AZIN2: variants seen among roughly 807,000 people sequenced by gnomAD.
AZIN2 encodes the protein ODC antizyme inhibitor-2.
Under a neutral mutation model 47.8 loss-of-function variants are expected in AZIN2, and 28 were observed. That is an observed-to-expected ratio of 0.59 (90% CI 0.43 to 0.80). The LOEUF (loss-of-function observed/expected upper bound fraction) is 0.80, where lower values mean the gene tolerates loss of function less well. Ranked by LOEUF, AZIN2 falls within the 30% of genes least tolerant of loss-of-function variation. The pLI is 0.00. For missense variants in AZIN2, 535 were observed against 582.5 expected (o/e 0.92, Z 0.84); for synonymous variants, 221 against 239.4 (o/e 0.92, Z 0.71).
the AZIN2 span, among the ~76,000 whole-genome samples, chr1:33,160,176 T>C: frequency 2.6e-5 from 4 of 152,064 alleles, no homozygotes; most frequent in African/African-American, 9.7e-5. Flanking sequence ...AGGCCTGAAC[T>C]AGAGGAGCAG....
At chr1:33,107,315 C>T (rs1371080101) in intron 10 of AZIN2, among the ~76,000 whole-genome samples, 1 of 151,828 alleles carries the variant, frequency 6.6e-6, no homozygotes. Flanking sequence ...CGCAGTGGCT[C>T]ATGCCTGTAA....
Position 33,122,513 on chromosome 1 carries a change from G to A in AZIN2, c.*2331G>A, listed in dbSNP as rs1343666402. Among the ~76,000 whole-genome samples, 1 of 152,142 alleles carries A rather than the reference G, an allele frequency of 6.6e-6. No individual in the cohort carries two copies. The highest frequency in any genetic ancestry group is 6.5e-5 in the Admixed American group (1 of 15,280). On this transcript the variant is annotated 3_prime_UTR_variant, in exon 12 of 12. Transcript: ENST00000294517. ...TTTCTTATTTCAATCTTTTTCTAAA[G>A]AGAAGAAAAAAGCCTGAAATGTGGA...
intron 10 of AZIN2, among the ~76,000 whole-genome samples, chr1:33,103,921 C>T (rs899906041): frequency 1.3e-5 from 2 of 149,622 alleles, no homozygotes; most frequent in African/African-American, 4.9e-5. Context: ...CTCACTCTGT[C>T]ACCCAGGCTG....
the AZIN2 span, among the ~76,000 whole-genome samples, chr1:33,131,430 C>T: frequency 1.3e-5 from 2 of 152,188 alleles, no homozygotes; most frequent in African/African-American, 4.8e-5. Flanking sequence ...GTTATGTTAG[C>T]CACCGGCTTC....
chr1:33,082,336 G>A lies in AZIN2; in HGVS notation c.87G>A (p.Gly29=), dbSNP rs776103036. The part of the protein sequence containing the change: ...TRDLLKELTL[G]ASQATTDEVA... The stretch of plus-strand genomic sequence containing the variant: ...ACCTGCTGAAGGAACTCACTCTGGG[G>A]GCCTCACAGGCCACCACGGTGAGGG... The change falls in exon 4 of 12, where the codon GGG becomes GGA. Residue 29 remains glycine (G), a synonymous_variant. Transcript: ENST00000294517. The A allele has an allele frequency of 1.2e-6, 2 of 1,613,740 alleles. No individual in the cohort carries two copies. Among genetic ancestry groups the A allele is most frequent in the South Asian group, 2.2e-5 (2 of 91,024 alleles).
rs1644773524 is a variant in AZIN2, at chr1:33,120,594, T to C, written c.*412T>C. 1 of 176,058 alleles carries C rather than the reference T, an allele frequency of 5.7e-6. No homozygotes were observed. The highest frequency in any genetic ancestry group is 2.4e-5 in the African/African-American group (1 of 41,798). 10.9% of individuals were successfully genotyped at this position (176,058 alleles called of 1,614,324 possible). ...CTAGGCCTGGGGCAGGATTTCCCCATCACTCACTGATGAGCCCACACCCTC... is the reference window on the plus strand; with the variant it reads ...CTAGGCCTGGGGCAGGATTTCCCCACCACTCACTGATGAGCCCACACCCTC... On this transcript the variant is annotated 3_prime_UTR_variant, in exon 12 of 12. Transcript: ENST00000294517.
At chr1:33,147,738 TGGA>T in the AZIN2 span, 1 of 1,604,240 alleles carries the variant, frequency 6.2e-7, no homozygotes, top group Non-Finnish European at 8.5e-7. This position sits in a 1 kb window ranked among gnomAD's most constrained non-coding sequence, Gnocchi z 8.1. Flanking sequence ...CTGTGGGGGT[TGGA>T]GGAGGGAGAG....
chr1:33,124,463 T>C (rs1644843140), downstream of AZIN2, among the ~76,000 whole-genome samples: 2 of 152,092 alleles, frequency 1.3e-5, no homozygotes, highest in African/African-American at 4.8e-5. This position sits in a 1 kb window ranked among gnomAD's most constrained non-coding sequence, Gnocchi z 4.6. Flanking sequence ...TCAGGGCTGG[T>C]AGTGGCATGT....
the AZIN2 span, chr1:33,145,853 T>C: frequency 1.9e-5 from 9 of 471,096 alleles, no homozygotes; most frequent in East Asian, 6.3e-4. Context: ...CCACCCTAAC[T>C]TCCTTCTAGG....
chr1:33,118,853 A>AT (rs1469080934), intron 11 of AZIN2: 2 of 152,392 alleles, frequency 1.3e-5, no homozygotes, highest in Non-Finnish European at 2.9e-5. Flanking sequence ...GGGGAGTCAC[A>AT]TCCAGTGAAC....
rs528362512 is a variant in AZIN2, at chr1:33,092,349, G to T, written c.452+127G>T. 39 of 878,550 alleles carry T rather than the reference G, an allele frequency of 4.4e-5. No individual in the cohort carries two copies. The South Asian group carries it at 6.4e-4, about 14-fold the overall frequency. The allele number at this position is 878,550 out of a possible 1,614,324, so 54.4% of individuals were successfully genotyped here. On this transcript the variant is annotated intron_variant, in intron 6 of 11. Coordinates refer to ENST00000294517, the MANE Select transcript of AZIN2 (RefSeq NM_052998.4). The stretch of plus-strand genomic sequence containing the variant: ...GGAAGGCTGGGCTTCAGAGTGAAGG[G>T]GGGGGTGGGGTGAGGGGGTGGAGCT...
the AZIN2 span, among the ~76,000 whole-genome samples, chr1:33,139,947 G>A: frequency 1.3e-5 from 2 of 152,158 alleles, no homozygotes; most frequent in Non-Finnish European, 2.9e-5. Flanking sequence ...ACTCTTCCGG[G>A]AGTGGTTCCT....
intron 7 of AZIN2, 71 bp downstream of exon 7, chr1:33,093,487 A>C: frequency 6.4e-7 from 1 of 1,553,448 alleles, no homozygotes; most frequent in Admixed American, 1.9e-5. Context: ...AATTAATTCT[A>C]TATGAGACCT....
chr1:33,125,111 G>C (rs544707087), downstream of AZIN2, among the ~76,000 whole-genome samples: 1 of 152,334 alleles, frequency 6.6e-6, no homozygotes, highest in Admixed American at 6.5e-5. Context: ...CCCCAGCTCA[G>C]AGGGAGATGG....
chr1:33,119,773 G>A (rs1644729910), intron 11 of AZIN2: 1 of 522,156 alleles, frequency 1.9e-6, no homozygotes, highest in East Asian at 3.3e-5. Context: ...GGGGTTTTTG[G>A]GAAGATACAA....
chr1:33,084,269 G>A (rs575695272), intron 5 of AZIN2, 142 bp downstream of exon 5: 1 of 889,290 alleles, frequency 1.1e-6, no homozygotes, highest in Admixed American at 2.6e-5. Flanking sequence ...CTCAGGAGGG[G>A]TCTCAAGGGA....
chr1:33,147,677 G>C, the AZIN2 span: 3 of 1,613,652 alleles, frequency 1.9e-6, no homozygotes, highest in Non-Finnish European at 2.5e-6. This position sits in a 1 kb window ranked among gnomAD's most constrained non-coding sequence, Gnocchi z 8.1. Flanking sequence ...TCGTCCGACA[G>C]GATCAGGCGC....
intron 5 of AZIN2, among the ~76,000 whole-genome samples, chr1:33,084,688 C>T (rs757387302): frequency 3.3e-5 from 5 of 152,106 alleles, no homozygotes; most frequent in Non-Finnish European, 7.4e-5. Flanking sequence ...CCTTCGCCTC[C>T]CGGGTTCAAG....
chr1:33,124,243 T>A (rs1644840707), downstream of AZIN2, among the ~76,000 whole-genome samples: 1 of 152,114 alleles, frequency 6.6e-6, no homozygotes, highest in Admixed American at 6.5e-5. This position sits in a 1 kb window ranked among gnomAD's most constrained non-coding sequence, Gnocchi z 4.6. Flanking sequence ...TCCTCTGAGT[T>A]CTCAGGGAGC....
Sources: allele counts gnomAD v4.1 joint callset (sites outside exome capture counted in the v4.1 genomes callset), GRCh38; gene constraint gnomAD v4.1.1; non-coding constraint Gnocchi (gnomAD v3.1); transcripts MANE v1.5; gene names NCBI Gene and HGNC (gene_info 2026-07-23, HGNC 2026-07-21).